Variants in RAB40C observed in about 807,000 individuals in gnomAD.
RAB40C encodes RAB40C, member RAS oncogene family.
RAB40C carries 8 observed loss-of-function variants against 28.1 expected under a neutral mutation model. The ratio of observed to expected loss-of-function variants is 0.28; its 90% CI spans 0.17 to 0.51. The LOEUF is 0.51. Ranked by LOEUF, RAB40C falls within the 20% of genes least tolerant of loss-of-function variation. The probability of loss-of-function intolerance (pLI) is 0.97; values close to 1 mark genes in which losing one functional copy is unlikely to be tolerated. For missense variants in RAB40C, 288 were observed against 405.9 expected (o/e 0.71, Z 2.50); for synonymous variants, 201 against 171.7 (o/e 1.17, Z -1.34).
intron 1 of RAB40C, among the ~76,000 whole-genome samples, chr16:601,612 A>G (rs1276838992): frequency 1.3e-5 from 2 of 152,056 alleles, no homozygotes; most frequent in Non-Finnish European, 2.9e-5. Context: ...GGAGATTCTC[A>G]TGAAAAATAG....
rs543429710 is a variant in RAB40C, at chr16:617,640, C to T, written c.203+372C>T. ...GGAGGATCACCTGAGGTCAGGAGTC[C>T]AAGACAAGCCTGGCCAACATGGTGA... On this transcript the variant is annotated intron_variant, in intron 2 of 5. Transcript: ENST00000248139. Among the ~76,000 whole-genome samples the T allele has an allele frequency of 2.6e-5, 4 of 152,086 alleles. No homozygotes were observed. In the South Asian group the frequency reaches 6.2e-4, roughly 24 times the overall value.
chr16:620,270 A>T (rs2036683522), intron 3 of RAB40C, among the ~76,000 whole-genome samples: 1 of 152,124 alleles, frequency 6.6e-6, no homozygotes, highest in South Asian at 2.1e-4. Context: ...GCGGGCGCTT[A>T]TAATCCCAGC....
intron 1 of RAB40C, among the ~76,000 whole-genome samples, chr16:601,784 C>G (rs1005267542): frequency 4.9e-5 from 6 of 121,260 alleles, no homozygotes. Context: ...GACTAGGCAA[C>G]GTAGCAAGGC....
intron 1 of RAB40C, among the ~76,000 whole-genome samples, chr16:591,139 C>G (rs899507120): frequency 6.9e-6 from 1 of 145,416 alleles, no homozygotes; most frequent in African/African-American, 2.6e-5. Context: ...TGTCATAGAT[C>G]TGGGGAAAGG....
In RAB40C at chr16:590,254, T is replaced by TCGGCAGG. The variant is rs2035961063; in HGVS notation, c.-33_-27dup. On this transcript the variant is annotated 5_prime_UTR_variant, in exon 1 of 6. Transcript: ENST00000248139. ...CGCCGCGGCCTCACCCGGCGGTGCT[T>TCGGCAGG]CGGCAGGCGGCCGGCGCGGGGCGCA... 1.4e-6 allele frequency: 2 copies of TCGGCAGG among 1,395,850 alleles called. No individual in the cohort carries two copies. The highest frequency in any genetic ancestry group is 3.1e-5 in the African/African-American group (2 of 65,494). The allele number at this position is 1,395,850 out of a possible 1,614,324, so 86.5% of individuals were successfully genotyped here.
At position 626,036 on chromosome 16, in the gene RAB40C, C is replaced by A. The variant is rs766928136; in HGVS notation, c.480C>A (p.Asn160Lys). The A allele has an allele frequency of 6.2e-7, 1 of 1,613,466 alleles. No homozygotes were observed. The highest frequency in any genetic ancestry group is 8.5e-7 in the Non-Finnish European group (1 of 1,180,000). Residue 160 changes from asparagine (N) to lysine (K), a missense_variant, in exon 5 of 6, where the codon AAC (asparagine) becomes AAA (lysine). Physicochemically the swap from Asn to Lys is moderately conservative, Grantham distance 94 (BLOSUM62 0). Around this residue, in one of 3 missense-constraint regions of RAB40C, gnomAD observed 153 missense variants for 262.4 expected, o/e 0.58. Transcript: ENST00000248139. ...TCTTTGAGGTCAGCCCCCTGTGCAA[C>A]TTCAACGTCATCGAGTCCTTCACGG... ...MTFFEVSPLC[N>K]FNVIESFTEL... is the part of the protein sequence containing the mutation.
At chr16:589,384 C>T (rs2035941270), upstream of RAB40C, 1 of 152,264 alleles carries the variant, frequency 6.6e-6, no homozygotes, top group African/African-American at 2.4e-5. Flanking sequence ...CCGCTCCCTC[C>T]GAGGGTTCTG....
intron 1 of RAB40C, among the ~76,000 whole-genome samples, chr16:590,752 G>A (rs1476257874): frequency 1.3e-5 from 2 of 151,306 alleles, no homozygotes; most frequent in African/African-American, 2.4e-5. Flanking sequence ...GAGCCCAGGG[G>A]AAGGTGTCAT....
At chr16:602,216 A>C (rs2036266826) in intron 1 of RAB40C, among the ~76,000 whole-genome samples, 2 of 152,158 alleles carry the variant, frequency 1.3e-5, no homozygotes, top group Admixed American at 1.3e-4. Context: ...TGTGGAATGA[A>C]ATATATGACA....
rs528380532 is a variant in RAB40C, at chr16:598,873, G to A, written c.142+8440G>A. On this transcript the variant is annotated intron_variant, in intron 1 of 5. Coordinates refer to ENST00000248139, the MANE Select transcript of RAB40C (RefSeq NM_021168.5). The stretch of plus-strand genomic sequence containing the variant: ...TCAACCCTGAGTGAAGGTGTAGGCC[G>A]GGCGGTCAAGCACAGCACTCTCCAG... Among the ~76,000 whole-genome samples, 181 of 152,188 alleles carry A rather than the reference G, an allele frequency of 1.2e-3. 2 individuals are homozygous for A. Among genetic ancestry groups the A allele is most frequent in the African/African-American group, 3.8e-3 (158 of 41,518 alleles).
chr16:625,137 T>A, intron 3 of RAB40C: 1 of 1,356,354 alleles, frequency 7.4e-7, no homozygotes, highest in Non-Finnish European at 9.7e-7. Context: ...ACCCCGCATC[T>A]GCCTGCCCAG....
intron 2 of RAB40C, 27 bp from the exon 3 acceptor site, chr16:618,173 G>T (rs201052771): frequency 1.2e-6 from 2 of 1,608,282 alleles, no homozygotes; most frequent in Non-Finnish European, 1.7e-6. Context: ...CCACAGTCCC[G>T]GCCCCTCCCC....
intron 1 of RAB40C, among the ~76,000 whole-genome samples, chr16:595,094 G>A (rs1408412307): frequency 6.6e-6 from 1 of 152,174 alleles, no homozygotes; most frequent in Non-Finnish European, 1.5e-5. Flanking sequence ...GTTTTCTGGG[G>A]CAGTGTTTTG....
intron 1 of RAB40C, among the ~76,000 whole-genome samples, chr16:601,405 C>T (rs547393254): frequency 8.5e-5 from 13 of 152,260 alleles, no homozygotes; most frequent in South Asian, 4.1e-4. Flanking sequence ...AGTGTCCACA[C>T]GTCAGTTTCC....
chr16:592,056 G>T (rs927087962), intron 1 of RAB40C, among the ~76,000 whole-genome samples: 1 of 152,220 alleles, frequency 6.6e-6, no homozygotes, highest in African/African-American at 2.4e-5. Context: ...GGACCCAGCC[G>T]AATGGGATGT....
chr16:621,872 G>A (rs1400394866), intron 3 of RAB40C, among the ~76,000 whole-genome samples: 1 of 152,226 alleles, frequency 6.6e-6, no homozygotes, highest in Non-Finnish European at 1.5e-5. Context: ...TATGTGGAGC[G>A]TGGTACGGGA....
intron 1 of RAB40C, among the ~76,000 whole-genome samples, chr16:593,119 G>A (rs902840584): frequency 3.3e-5 from 5 of 152,250 alleles, no homozygotes; most frequent in East Asian, 3.9e-4. Flanking sequence ...TGTGGAACGC[G>A]CTTTCTGTGT....
rs569859754 is a variant in RAB40C, at chr16:601,982, G to T, written c.142+11549G>T. Among the ~76,000 whole-genome samples, 21 of 152,048 alleles carry T rather than the reference G, an allele frequency of 1.4e-4. No individual in the cohort carries two copies. The East Asian group carries it at 2.5e-3, about 18-fold the overall frequency. On this transcript the variant is annotated intron_variant, in intron 1 of 5. Coordinates refer to ENST00000248139, the MANE Select transcript of RAB40C (RefSeq NM_021168.5). Reference sequence around the variant, plus strand: ...CTCTACTGAAAATATAAAAGTTAGCGGGGTGTGGTGTCGGGCACCTGTAAT... The same window carrying T: ...CTCTACTGAAAATATAAAAGTTAGCTGGGTGTGGTGTCGGGCACCTGTAAT...
intron 3 of RAB40C, among the ~76,000 whole-genome samples, chr16:622,349 C>T (rs1204395063): frequency 6.6e-6 from 1 of 152,168 alleles, no homozygotes; most frequent in Non-Finnish European, 1.5e-5. Flanking sequence ...GTGGGAGCAG[C>T]GCCAAGTGCC....
Sources: allele counts gnomAD v4.1 joint callset (sites outside exome capture counted in the v4.1 genomes callset), GRCh38; gene constraint gnomAD v4.1.1; regional missense constraint gnomAD v4.1.1; transcripts MANE v1.5; gene names NCBI Gene and HGNC (gene_info 2026-07-23, HGNC 2026-07-21).